The following FAM114A1 variants were observed in gnomAD, a reference collection of about 807,000 sequenced individuals.
The protein encoded by FAM114A1 is family with sequence similarity 114 member A1.
Under a neutral mutation model 64.3 loss-of-function variants are expected in FAM114A1, and 62 were observed. The observed-to-expected ratio is 0.96, with a 90% confidence interval of 0.79 to 1.19. The LOEUF is 1.19. Ranked by LOEUF, FAM114A1 falls within the 50% of genes most tolerant of loss-of-function variation. The probability of loss-of-function intolerance (pLI) is 0.00; values close to 1 mark genes in which losing one functional copy is unlikely to be tolerated. For missense variants in FAM114A1, 645 were observed against 676.3 expected, an observed-to-expected ratio of 0.95 and a Z score of 0.51; for synonymous variants, 254 against 251.1, an observed-to-expected ratio of 1.01 and a Z score of -0.11.
chr4:38,898,656 A>G (rs1044766194), intron 4 of FAM114A1, among the ~76,000 whole-genome samples: 5 of 152,150 alleles, frequency 3.3e-5, no homozygotes, highest in African/African-American at 9.7e-5. Context: ...GTTCAGTAAC[A>G]CTTCTTGTCT....
intron 14 of FAM114A1, among the ~76,000 whole-genome samples, chr4:38,941,964 A>T (rs1721608682): frequency 6.6e-6 from 1 of 152,228 alleles, no homozygotes; most frequent in Admixed American, 6.5e-5. Context: ...TCACAATTCC[A>T]CGTGGCTGGG....
chr4:38,945,292 A>G lies in FAM114A1; in HGVS notation c.*1735A>G, dbSNP rs1455248880. ...GATGTGTGTTTTAACTAACTGGTATATTGATCCATGGGAGGCTGCACAGAA... is the reference window on the plus strand; with the variant it reads ...GATGTGTGTTTTAACTAACTGGTATGTTGATCCATGGGAGGCTGCACAGAA... On this transcript the variant is annotated 3_prime_UTR_variant, in exon 15 of 15. Transcript: ENST00000358869. 1 of 152,152 alleles carries G rather than the reference A, an allele frequency of 6.6e-6. No homozygotes were observed. The highest frequency in any genetic ancestry group is 1.5e-5 in the Non-Finnish European group (1 of 68,004). 9.4% of individuals were successfully genotyped at this position (152,152 alleles called of 1,614,324 possible). A position where few individuals can be genotyped will look rare whatever the true frequency, so the allele number is the denominator to read the frequency against.
intron 2 of FAM114A1, among the ~76,000 whole-genome samples, chr4:38,870,990 T>C (rs982803278): frequency 2.6e-5 from 4 of 152,062 alleles, no homozygotes; most frequent in African/African-American, 9.7e-5. Context: ...TGGGGAAAAT[T>C]AGACCTGTAA....
chr4:38,887,037 G>A (rs1223719421), intron 3 of FAM114A1, among the ~76,000 whole-genome samples: 1 of 152,234 alleles, frequency 6.6e-6, no homozygotes, highest in Non-Finnish European at 1.5e-5. Flanking sequence ...CGGGAGATGT[G>A]TAGGTGGAGG....
At chr4:38,929,386 G>A (rs1720441087) in intron 10 of FAM114A1, 53 bp downstream of exon 10, 15 of 1,348,700 alleles carry the variant, frequency 1.1e-5, no homozygotes, top group Admixed American at 1.8e-5. Context: ...GTGCAGGGGA[G>A]AGTCTCTGTT....
intron 4 of FAM114A1, among the ~76,000 whole-genome samples, chr4:38,904,046 T>C (rs1297459470): frequency 6.6e-6 from 1 of 152,236 alleles, no homozygotes; most frequent in Non-Finnish European, 1.5e-5. Context: ...TTGGTTATTT[T>C]AACAGTGCCT....
At chr4:38,869,263 T>C (rs1203504245) in intron 2 of FAM114A1, among the ~76,000 whole-genome samples, 2 of 152,182 alleles carry the variant, frequency 1.3e-5, no homozygotes, top group Non-Finnish European at 1.5e-5. Flanking sequence ...AGTTATTTCA[T>C]TGGAAGCAGT....
chr4:38,941,107 A>G, intron 14 of FAM114A1, 86 bp downstream of exon 14: 1 of 1,212,550 alleles, frequency 8.2e-7, no homozygotes, highest in African/African-American at 1.5e-5. Flanking sequence ...CTTCCCCCAC[A>G]GCAAATGTTA....
intron 7 of FAM114A1, among the ~76,000 whole-genome samples, chr4:38,910,737 A>G (rs1175354150): frequency 6.6e-6 from 1 of 152,176 alleles, no homozygotes; most frequent in Non-Finnish European, 1.5e-5. Context: ...TTCCAGGCCA[A>G]GGGAGAACTC....
At chr4:38,917,582 G>A (rs964826727) in intron 8 of FAM114A1, among the ~76,000 whole-genome samples, 9 of 151,852 alleles carry the variant, frequency 5.9e-5, no homozygotes, top group South Asian at 2.1e-4. Context: ...TTTTATATGC[G>A]TTCTTATGTC....
At chr4:38,897,562 A>G (rs1717054952) in intron 4 of FAM114A1, among the ~76,000 whole-genome samples, 1 of 152,194 alleles carries the variant, frequency 6.6e-6, no homozygotes, top group African/African-American at 2.4e-5. Flanking sequence ...CTACAGCTAC[A>G]CTGTCATCAC....
chr4:38,909,318 T>C (rs551746311), intron 7 of FAM114A1, among the ~76,000 whole-genome samples: 1 of 152,316 alleles, frequency 6.6e-6, no homozygotes, highest in African/African-American at 2.4e-5. Context: ...TTAGTAAGCA[T>C]TCAGAAATGT....
rs543574192 is a variant in FAM114A1 at position 38,868,501 on chromosome 4, C to T, written c.-54C>T. ...GGGTCCCACTCCCTACCGCAGATCC[C>T]CAGGCCCCCTCCACCCAGTCGGCTA... On this transcript the variant is annotated 5_prime_UTR_variant, in exon 2 of 15. Transcript: ENST00000358869. 6.5e-6 allele frequency: 1 copy of T among 152,812 alleles called. No homozygotes were observed. Among genetic ancestry groups the T allele is most frequent in the East Asian group, 1.9e-4 (1 of 5,196 alleles). 9.5% of individuals were successfully genotyped at this position (152,812 alleles called of 1,614,324 possible).
chr4:38,914,286 C>T (rs1427543351), intron 7 of FAM114A1, among the ~76,000 whole-genome samples: 2 of 151,886 alleles, frequency 1.3e-5, no homozygotes, highest in Non-Finnish European at 2.9e-5. Flanking sequence ...GAAATTTGGC[C>T]GGGTGCAGTG....
Position 38,878,100 on chromosome 4 carries a change from A to G in FAM114A1, c.22A>G (p.Thr8Ala). The G allele has an allele frequency of 6.2e-7, 1 of 1,610,946 alleles. No homozygotes were observed. The change falls in exon 3 of 15, where the codon ACC becomes GCC. Residue 8 changes from threonine to alanine, a missense_variant. By Grantham distance (58) the Thr-to-Ala change is moderately conservative (BLOSUM62 0). Transcript: ENST00000358869. ...TAAAATGTCTGATGATGCTGGTGACACCTTAGCCACTGGAGACAAAGCAGA... is the reference window on the plus strand; with the variant it reads ...TAAAATGTCTGATGATGCTGGTGACGCCTTAGCCACTGGAGACAAAGCAGA... MSDDAGD[T>A]LATGDKAEVT...
chr4:38,937,152 T>C (rs1010940061), intron 13 of FAM114A1, among the ~76,000 whole-genome samples: 3 of 152,232 alleles, frequency 2.0e-5, no homozygotes, highest in African/African-American at 4.8e-5. Context: ...CTTCTTATTC[T>C]AATTAGGTTG....
intron 3 of FAM114A1, among the ~76,000 whole-genome samples, chr4:38,884,732 A>T (rs1385968289): frequency 6.6e-6 from 1 of 152,198 alleles, no homozygotes; most frequent in East Asian, 1.9e-4. Flanking sequence ...CCCATTGTTT[A>T]GGTGCTTTGA....
intron 4 of FAM114A1, among the ~76,000 whole-genome samples, chr4:38,895,289 T>C (rs1246263119): frequency 6.6e-6 from 1 of 152,244 alleles, no homozygotes; most frequent in Non-Finnish European, 1.5e-5. Context: ...CTGCTGATTA[T>C]TGACCAGGGC....
chr4:38,898,708 G>A (rs1717194814), intron 4 of FAM114A1, among the ~76,000 whole-genome samples: 1 of 152,020 alleles, frequency 6.6e-6, no homozygotes, highest in Non-Finnish European at 1.5e-5. Context: ...TTACAGAGTG[G>A]ACATCAACCA....
Sources: gnomAD v4.1 joint callset for allele counts (sites outside exome capture counted in the v4.1 genomes callset) on GRCh38, gnomAD v4.1.1 for gene constraint, MANE v1.5 for transcripts, NCBI Gene and HGNC (gene_info 2026-07-23, HGNC 2026-07-21) for gene names.